The following SUN3 variants were observed in gnomAD, a reference collection of about 807,000 sequenced individuals.
The protein encoded by SUN3 is SUN domain-containing protein 3.
Under a neutral mutation model 48.2 loss-of-function variants are expected in SUN3, and 36 were observed. That is an observed-to-expected ratio of 0.75 (90% confidence interval 0.57 to 0.99). The LOEUF is 0.99. Among genes scored for constraint, SUN3 ranks in the 50% least tolerant of loss-of-function variants. The probability of loss-of-function intolerance (pLI) is 0.00; values close to 1 mark genes in which losing one functional copy is unlikely to be tolerated. For synonymous variants in SUN3, 148 were observed against 147.9 expected (o/e 1.00, Z 0.00); for missense variants, 419 against 433.1 (o/e 0.97, Z 0.29).
chr7:47,997,881 A>G (rs942010916), intron 6 of SUN3, among the ~76,000 whole-genome samples: 1 of 152,230 alleles, frequency 6.6e-6, no homozygotes, highest in African/African-American at 2.4e-5. Flanking sequence ...TAGCCAATGC[A>G]TTTGAGATTT....
intron 1 of SUN3, among the ~76,000 whole-genome samples, chr7:48,027,864 A>G (rs1391710231): frequency 3.3e-5 from 5 of 152,208 alleles, no homozygotes; most frequent in Non-Finnish European, 7.3e-5. Flanking sequence ...GGTCCACTGT[A>G]TTAAAAAAGT....
rs538842497 is a variant in SUN3 at position 48,024,587 on chromosome 7, G to A, written c.184+1290C>T. 5.5e-4 allele frequency among the ~76,000 whole-genome samples: 84 copies of A among 152,188 alleles called. 3 individuals are homozygous for A. In the South Asian group the frequency reaches 0.017, roughly 30 times the overall value. Reference sequence around the variant, plus strand: ...TGCTGTAAAGGAATATCTGAGGTTGGGTAATTTATAAAGAAAAGAGGTTTA... The same window carrying A: ...TGCTGTAAAGGAATATCTGAGGTTGAGTAATTTATAAAGAAAAGAGGTTTA... On this transcript the variant is annotated intron_variant, in intron 2 of 9. Coordinates refer to ENST00000297325, the MANE Select transcript of SUN3 (RefSeq NM_001030019.2).
chr7:47,992,148 A>G (rs2062300442), intron 8 of SUN3, among the ~76,000 whole-genome samples: 1 of 152,160 alleles, frequency 6.6e-6, no homozygotes, highest in African/African-American at 2.4e-5. Context: ...TCCCGCTGCA[A>G]ACTCACGACG....
At chr7:48,020,957 C>T (rs1789977397) in intron 2 of SUN3, among the ~76,000 whole-genome samples, 2 of 152,014 alleles carry the variant, frequency 1.3e-5, no homozygotes, top group African/African-American at 4.8e-5. Flanking sequence ...CCACAAAAGA[C>T]CCCAAATAGT....
At chr7:48,027,664 C>G (rs1790171966) in intron 1 of SUN3, among the ~76,000 whole-genome samples, 1 of 152,178 alleles carries the variant, frequency 6.6e-6, no homozygotes, top group Non-Finnish European at 1.5e-5. Flanking sequence ...CCGCCTAATT[C>G]TCCCAGTACA....
intron 3 of SUN3, among the ~76,000 whole-genome samples, chr7:48,013,485 T>C (rs559263156): frequency 7.2e-4 from 109 of 152,286 alleles, no homozygotes; most frequent in African/African-American, 2.5e-3. Flanking sequence ...CACCTAAAAA[T>C]TATAAATATT....
At chr7:48,007,081 A>G in intron 5 of SUN3, 84 bp downstream of exon 5, 1 of 1,338,962 alleles carries the variant, frequency 7.5e-7, no homozygotes, top group Non-Finnish European at 1.0e-6. Flanking sequence ...TGACATCGGA[A>G]GGACATACTC....
rs111968905 is a variant in SUN3 at position 48,003,820 on chromosome 7, G to T, written c.577+2149C>A. On this transcript the variant is annotated intron_variant, in intron 6 of 9. Transcript: ENST00000297325. Reference sequence around the variant, plus strand: ...GAAGCTTTCGGGCTGAGACTATGGGGTTTTCTAGATATAGGATTATGTTGT... The same window carrying T: ...GAAGCTTTCGGGCTGAGACTATGGGTTTTTCTAGATATAGGATTATGTTGT... 3.0e-3 allele frequency among the ~76,000 whole-genome samples: 452 copies of T among 152,260 alleles called. 7 individuals are homozygous for T. Among genetic ancestry groups the T allele is most frequent in the African/African-American group, 0.01 (421 of 41,544 alleles).
upstream of SUN3, among the ~76,000 whole-genome samples, chr7:48,030,198 T>C (rs1337837210): frequency 6.6e-6 from 1 of 152,220 alleles, no homozygotes; most frequent in Non-Finnish European, 1.5e-5. Context: ...TTTTTACTTA[T>C]GCTGATTTCT....
chr7:48,015,235 T>C (rs904695382), intron 3 of SUN3, among the ~76,000 whole-genome samples: 2 of 152,226 alleles, frequency 1.3e-5, no homozygotes, highest in African/African-American at 4.8e-5. Context: ...GGGCTTGGTC[T>C]TAGTCTTTGA....
intron 3 of SUN3, among the ~76,000 whole-genome samples, chr7:48,015,456 A>G (rs932178433): frequency 7.2e-5 from 11 of 152,146 alleles, no homozygotes; most frequent in Admixed American, 1.3e-4. Context: ...GGCATCATAC[A>G]TGTGCAGTCT....
chr7:48,005,857 C>CCG lies in SUN3; in HGVS notation c.577+111_577+112insCG, dbSNP rs1033508317. The CCG allele has an allele frequency of 1.3e-5, 7 of 545,654 alleles. No homozygotes were observed. In the African/African-American group the frequency reaches 1.4e-4, roughly 11 times the overall value. The allele number at this position is 545,654 out of a possible 1,614,324, so 33.8% of individuals were successfully genotyped here. ...TATCTAAATTGATTAATTTCCCCCC[C>CCG]CCAAGTTACCAGATAAATATGTTTT... is the stretch of plus-strand genomic sequence containing the variant. On this transcript the variant is annotated intron_variant, in intron 6 of 9. Transcript: ENST00000297325.
intron 7 of SUN3, among the ~76,000 whole-genome samples, chr7:47,995,246 G>A (rs534574156): frequency 6.6e-6 from 1 of 151,752 alleles, no homozygotes; most frequent in Non-Finnish European, 1.5e-5. Context: ...GGTGGTGGTG[G>A]TGGCAGTGAT....
intron 8 of SUN3, among the ~76,000 whole-genome samples, chr7:47,989,603 A>G: frequency 6.6e-6 from 1 of 152,240 alleles, no homozygotes; most frequent in Non-Finnish European, 1.5e-5. Flanking sequence ...AAAAATATTA[A>G]TATCAAACTA....
intron 3 of SUN3, among the ~76,000 whole-genome samples, chr7:48,010,261 G>A (rs73111154): frequency 0.074 from 11,193 of 152,252 alleles, 599 homozygotes; most frequent in Non-Finnish European, 0.12. Context: ...GGGCAAAAGA[G>A]AGCACCTTGG....
intron 8 of SUN3, 149 bp downstream of exon 8, chr7:47,994,166 A>G (rs957536232): frequency 4.6e-6 from 3 of 653,446 alleles, no homozygotes; most frequent in African/African-American, 3.8e-5. Flanking sequence ...ATTTGGTCCA[A>G]CTCTCTCTCT....
intron 1 of SUN3, among the ~76,000 whole-genome samples, chr7:48,028,086 T>C (rs1252640873): frequency 6.6e-6 from 1 of 152,216 alleles, no homozygotes. Context: ...AAGCATATTT[T>C]GTTATTACTG....
chr7:48,029,063 C>T lies in SUN3; in HGVS notation c.-125G>A. ...ATTTGTTTTGTATAATGTCTTCTTC[C>T]TCCACGGGTGTTTCTTCTTGAAGAC... On this transcript the variant is annotated 5_prime_UTR_variant, in exon 1 of 10. Transcript: ENST00000297325. The T allele has an allele frequency of 7.3e-7, 1 of 1,361,480 alleles. No individual in the cohort carries two copies. The allele number at this position is 1,361,480 out of a possible 1,614,324, so 84.3% of individuals were successfully genotyped here. A position where few individuals can be genotyped will look rare whatever the true frequency, so the allele number is the denominator to read the frequency against.
chr7:48,014,421 G>T (rs1337249769), intron 3 of SUN3, among the ~76,000 whole-genome samples: 2 of 152,156 alleles, frequency 1.3e-5, no homozygotes, highest in African/African-American at 2.4e-5. Flanking sequence ...CTCTAGACAA[G>T]CTCCTTGATC....
Sources: gnomAD v4.1 joint callset for allele counts (sites outside exome capture counted in the v4.1 genomes callset) on GRCh38, gnomAD v4.1.1 for gene constraint, MANE v1.5 for transcripts, NCBI Gene and HGNC (gene_info 2026-07-23, HGNC 2026-07-21) for gene names.